TXNDC5: variants seen among roughly 807,000 people sequenced by gnomAD.
TXNDC5 encodes thioredoxin domain-containing protein 5.
Under a neutral mutation model 52.6 loss-of-function variants are expected in TXNDC5, and 44 were observed. The observed-to-expected ratio is 0.84, with a 90% CI of 0.66 to 1.08. The LOEUF (loss-of-function observed/expected upper bound fraction) is 1.08. Among genes scored for constraint, TXNDC5 ranks in the 50% least tolerant of loss-of-function variants. The pLI is 0.00. For synonymous variants in TXNDC5, 241 were observed against 234.4 expected (o/e 1.03, Z -0.26); for missense variants, 600 against 565.5 (o/e 1.06, Z -0.62).
intron 7 of TXNDC5, 97 bp from the exon 8 acceptor site, chr6:7,886,140 A>T (rs1759973158): frequency 9.3e-7 from 1 of 1,072,354 alleles, no homozygotes; most frequent in Admixed American, 2.2e-5. Context: ...TAATTTTTTA[A>T]AAATGCAGTT....
intron 1 of TXNDC5, chr6:7,909,928 C>A (rs918706702): frequency 8.1e-6 from 8 of 986,076 alleles, no homozygotes; most frequent in East Asian, 2.3e-4. Flanking sequence ...GTGCACGTGG[C>A]CCACGGGCAG....
chr6:7,890,877 A>C (rs138405218), intron 5 of TXNDC5, among the ~76,000 whole-genome samples: 217 of 152,314 alleles, frequency 1.4e-3, no homozygotes, highest in African/African-American at 5.0e-3. Context: ...TCAGCCAGCC[A>C]GGTCTACCCA....
Position 7,904,795 on chromosome 6 carries a change from G to A in TXNDC5, c.264-72C>T. Reference sequence around the variant, plus strand: ...GCAGCTGGCCCACAACTTCAGCTCTGTCCAGGGGACAATGGGGCTCTCAGT... The same window carrying A: ...GCAGCTGGCCCACAACTTCAGCTCTATCCAGGGGACAATGGGGCTCTCAGT... On this transcript the variant is annotated intron_variant, in intron 1 of 9. Coordinates refer to ENST00000379757, the MANE Select transcript of TXNDC5 (RefSeq NM_030810.5). 5 of 1,587,324 alleles carry A rather than the reference G, an allele frequency of 3.1e-6. No individual in the cohort carries two copies. The South Asian group carries it at 5.6e-5, about 18-fold the overall frequency.
At chr6:7,896,243 A>G (rs1208928757) in intron 3 of TXNDC5, among the ~76,000 whole-genome samples, 1 of 152,224 alleles carries the variant, frequency 6.6e-6, no homozygotes, top group Non-Finnish European at 1.5e-5. Flanking sequence ...AATGTAATTC[A>G]TATGACTAAG....
Position 7,882,893 on chromosome 6 carries a change from G to A in TXNDC5, c.*251C>T, listed in dbSNP as rs11541846. Reference sequence around the variant, plus strand: ...TAAATTTCATCAAGAGAAGGTCAAAGGGGATATATCGCCACTGAAAATGTT... The same window carrying A: ...TAAATTTCATCAAGAGAAGGTCAAAAGGGATATATCGCCACTGAAAATGTT... On this transcript the variant is annotated 3_prime_UTR_variant, in exon 10 of 10. Transcript: ENST00000379757. 259 of 411,092 alleles carry A rather than the reference G, an allele frequency of 6.3e-4. No individual in the cohort carries two copies. Among genetic ancestry groups the A allele is most frequent in the Middle Eastern group, 1.4e-3 (2 of 1,440 alleles). 25.5% of individuals were successfully genotyped at this position (411,092 alleles called of 1,614,324 possible).
chr6:7,900,599 G>A (rs1365538209), intron 2 of TXNDC5, among the ~76,000 whole-genome samples: 5 of 152,160 alleles, frequency 3.3e-5, no homozygotes. Context: ...CTGACATGAA[G>A]GTTTGAATAG....
At chr6:7,901,015 T>C (rs1045625662) in intron 2 of TXNDC5, among the ~76,000 whole-genome samples, 5 of 152,270 alleles carry the variant, frequency 3.3e-5, no homozygotes, top group African/African-American at 1.2e-4. Flanking sequence ...GCTTTGAAAT[T>C]AGTATCAGCA....
At chr6:7,884,255 G>A (rs1257209256) in intron 9 of TXNDC5, 104 bp downstream of exon 9, 9 of 1,475,364 alleles carry the variant, frequency 6.1e-6, no homozygotes, top group Non-Finnish European at 8.3e-6. Flanking sequence ...AAACCACATT[G>A]TTGAGAAGAT....
intron 7 of TXNDC5, among the ~76,000 whole-genome samples, chr6:7,888,055 C>A (rs937012576): frequency 5.9e-5 from 9 of 152,244 alleles, no homozygotes; most frequent in African/African-American, 2.2e-4. Context: ...CCTCAGAGAC[C>A]TGTATGCTTC....
Position 7,888,865 on chromosome 6 carries a change from C to A in TXNDC5, c.820-17G>T, listed in dbSNP as rs376824444. On this transcript the variant is annotated splice_polypyrimidine_tract_variant and intron_variant, in intron 6 of 9. Transcript: ENST00000379757. ...CTGATCCACCTGGCCAAGACACGGG[C>A]ACGCGGCTGAGTGAGTCCACTGAGG... 1.1e-4 allele frequency: 175 copies of A among 1,593,156 alleles called. No homozygotes were observed. In the Middle Eastern group the frequency reaches 2.0e-3, roughly 18 times the overall value.
intron 3 of TXNDC5, among the ~76,000 whole-genome samples, chr6:7,896,672 A>T (rs933994905): frequency 1.3e-5 from 2 of 152,184 alleles, no homozygotes; most frequent in African/African-American, 2.4e-5. Flanking sequence ...TGGCTAAGTG[A>T]ACAGTCAATG....
intron 3 of TXNDC5, among the ~76,000 whole-genome samples, chr6:7,897,689 C>A (rs967076359): frequency 2.0e-5 from 3 of 152,074 alleles, no homozygotes; most frequent in Admixed American, 2.0e-4. Context: ...CAGGTGAGGC[C>A]GCCACCTCCA....
At chr6:7,889,392 C>G in intron 6 of TXNDC5, 103 bp downstream of exon 6, 1 of 928,020 alleles carries the variant, frequency 1.1e-6, no homozygotes, top group Non-Finnish European at 1.7e-6. Context: ...AGTGCCCTAA[C>G]AATCAAGATT....
chr6:7,903,586 A>G (rs1245606279), intron 2 of TXNDC5, among the ~76,000 whole-genome samples: 3 of 152,196 alleles, frequency 2.0e-5, no homozygotes, highest in Non-Finnish European at 2.9e-5. Flanking sequence ...TTCTAGGTTC[A>G]AGCCTGGAGA....
intron 1 of TXNDC5, among the ~76,000 whole-genome samples, chr6:7,905,557 G>A (rs1760703853): frequency 6.6e-6 from 1 of 152,196 alleles, no homozygotes; most frequent in Admixed American, 6.5e-5. Flanking sequence ...TAGGCTTCTT[G>A]CCATGCTTCA....
chr6:7,885,707 T>G (rs536564126), intron 8 of TXNDC5, among the ~76,000 whole-genome samples: 50 of 152,338 alleles, frequency 3.3e-4, no homozygotes, highest in African/African-American at 1.1e-3. Flanking sequence ...TGATATAACT[T>G]TAGCCTCATT....
At position 7,882,766 on chromosome 6, in the gene TXNDC5, T is replaced by G; in HGVS notation, c.*378A>C. The G allele has an allele frequency of 5.1e-6, 1 of 195,782 alleles. No individual in the cohort carries two copies. The highest frequency in any genetic ancestry group is 1.1e-5 in the Non-Finnish European group (1 of 94,398). The allele number at this position is 195,782 out of a possible 1,614,324, so 12.1% of individuals were successfully genotyped here. A position where few individuals can be genotyped will look rare whatever the true frequency, so the allele number is the denominator to read the frequency against. On this transcript the variant is annotated 3_prime_UTR_variant, in exon 10 of 10. Coordinates refer to ENST00000379757, the MANE Select transcript of TXNDC5 (RefSeq NM_030810.5). ...AACTCGTGGGCAGGTAAACTATGCT[T>G]TGGATGTGCTTTCTTTCACCAAAAT...
intron 4 of TXNDC5, among the ~76,000 whole-genome samples, chr6:7,892,258 A>C (rs1396968509): frequency 6.6e-6 from 1 of 152,188 alleles, no homozygotes; most frequent in Non-Finnish European, 1.5e-5. Context: ...ACTGAAACTG[A>C]TTTTGTCCCC....
Position 7,910,649 on chromosome 6 carries a change from G to A in TXNDC5, c.128C>T (p.Ala43Val), listed in dbSNP as rs971310390. The change falls in exon 1 of 10, where the codon GCG becomes GTG. Residue 43 changes from alanine (A) to valine (V), a missense_variant. Physicochemically the swap from Ala to Val is moderately conservative, Grantham distance 64 (BLOSUM62 0). Transcript: ENST00000379757. ...RWGARAQEAA[A>V]AAADGPPAAD... Reference sequence around the variant, plus strand: ...CGCGGGGGGCCCGTCCGCCGCCGCCGCCGCCGCCTCCTGGGCCCGGGCGCC... The same window carrying A: ...CGCGGGGGGCCCGTCCGCCGCCGCCACCGCCGCCTCCTGGGCCCGGGCGCC... 7.8e-6 allele frequency: 10 copies of A among 1,280,312 alleles called. No individual in the cohort carries two copies. Among genetic ancestry groups the A allele is most frequent in the South Asian group, 1.8e-5 (1 of 55,558 alleles). 79.3% of individuals were successfully genotyped at this position (1,280,312 alleles called of 1,614,324 possible). A position where few individuals can be genotyped will look rare whatever the true frequency, so the allele number is the denominator to read the frequency against.
Sources: gnomAD v4.1 joint callset for allele counts (sites outside exome capture counted in the v4.1 genomes callset) on GRCh38, gnomAD v4.1.1 for gene constraint, MANE v1.5 for transcripts, NCBI Gene and HGNC (gene_info 2026-07-23, HGNC 2026-07-21) for gene names.